The following TBL1XR1 variants were observed in gnomAD, a reference collection of about 807,000 sequenced individuals.
TBL1XR1 encodes the protein TBL1X/Y related 1.
Under a neutral mutation model 66.9 loss-of-function variants are expected in TBL1XR1, and 5 were observed. That is an observed-to-expected ratio of 0.07 (90% CI 0.04 to 0.16). The LOEUF (loss-of-function observed/expected upper bound fraction) is 0.16. Ranked by LOEUF, TBL1XR1 falls within the 10% of genes least tolerant of loss-of-function variation. The pLI, the probability that TBL1XR1 is intolerant of heterozygous loss-of-function variation, is 1.00. For synonymous variants in TBL1XR1, 210 were observed against 206.0 expected (o/e 1.02, Z -0.17); for missense variants, 238 against 623.2 (o/e 0.38, Z 6.58).
At chr3:177,112,745 C>G (rs1457353483) in intron 1 of TBL1XR1, among the ~76,000 whole-genome samples, 1 of 152,124 alleles carries the variant, frequency 6.6e-6, no homozygotes, top group African/African-American at 2.4e-5. Context: ...TGGCTCACAC[C>G]TGTAATCCCA....
chr3:177,149,537 T>G (rs989573426), intron 1 of TBL1XR1, among the ~76,000 whole-genome samples: 1 of 152,232 alleles, frequency 6.6e-6, no homozygotes, highest in Non-Finnish European at 1.5e-5. Flanking sequence ...TTTTAACTAA[T>G]TTTGTATTAT....
At chr3:177,131,173 A>T (rs1230927404) in intron 1 of TBL1XR1, among the ~76,000 whole-genome samples, 1 of 152,200 alleles carries the variant, frequency 6.6e-6, no homozygotes, top group Non-Finnish European at 1.5e-5. Flanking sequence ...TTCTTCAGCA[A>T]ATCGGGAATC....
At position 177,167,146 on chromosome 3, in the gene TBL1XR1, GGATT is replaced by G. The variant is rs1471959679; in HGVS notation, c.-122+29971_-122+29974del. ...GATAAACTTGGTACATGCAGACAAT[GGATT>G]ATTATTCTACACTAAAAAGAAATGA... is the stretch of plus-strand genomic sequence containing the variant. On this transcript the variant is annotated intron_variant, in intron 1 of 15. Coordinates refer to ENST00000457928, the MANE Select transcript of TBL1XR1 (RefSeq NM_024665.7). Among the ~76,000 whole-genome samples the G allele has an allele frequency of 1.2e-4, 19 of 152,208 alleles. No individual in the cohort carries two copies. In the East Asian group the frequency reaches 3.1e-3, roughly 25 times the overall value.
intron 2 of TBL1XR1, among the ~76,000 whole-genome samples, chr3:177,092,015 T>A (rs1167220469): frequency 6.6e-6 from 1 of 152,212 alleles, no homozygotes; most frequent in Non-Finnish European, 1.5e-5. Flanking sequence ...GGGTGCTTCC[T>A]TATGCAAGCA....
At chr3:177,084,554 C>G (rs1721891710) in intron 2 of TBL1XR1, among the ~76,000 whole-genome samples, 1 of 152,204 alleles carries the variant, frequency 6.6e-6, no homozygotes, top group South Asian at 2.1e-4. Flanking sequence ...AATCCTTTTT[C>G]TTGGTTTATA....
intron 1 of TBL1XR1, among the ~76,000 whole-genome samples, chr3:177,168,343 G>A (rs1375479931): frequency 6.6e-6 from 1 of 150,974 alleles, no homozygotes; most frequent in Non-Finnish European, 1.5e-5. Context: ...GTGCAGTGGT[G>A]CAATCTCGGC....
intron 5 of TBL1XR1, 26 bp downstream of exon 5, chr3:177,051,478 A>T (rs776183181): frequency 2.7e-6 from 4 of 1,508,306 alleles, no homozygotes; most frequent in Non-Finnish European, 8.9e-7. Flanking sequence ...CCATGTAATT[A>T]AAAAAAAATT....
At chr3:177,127,081 G>A (rs554722153) in intron 1 of TBL1XR1, among the ~76,000 whole-genome samples, 2 of 152,254 alleles carry the variant, frequency 1.3e-5, no homozygotes, top group South Asian at 2.1e-4. Flanking sequence ...ATCTGCCACA[G>A]ATTATAATCA....
rs1712812109 is a variant in TBL1XR1 at position 177,024,535 on chromosome 3, A to G, written c.*963T>C. The G allele has an allele frequency of 6.6e-6, 1 of 152,322 alleles. No individual in the cohort carries two copies. The highest frequency in any genetic ancestry group is 1.5e-5 in the Non-Finnish European group (1 of 67,964). The allele number at this position is 152,322 out of a possible 1,614,324, so 9.4% of individuals were successfully genotyped here. On this transcript the variant is annotated 3_prime_UTR_variant, in exon 16 of 16. Coordinates refer to ENST00000457928, the MANE Select transcript of TBL1XR1 (RefSeq NM_024665.7). ...CAAAACTACGTTGCTCCTTTTCACA[A>G]TAGTGCACATTTTTACCATAATTTA...
At chr3:177,076,933 A>G (rs768987691) in intron 2 of TBL1XR1, among the ~76,000 whole-genome samples, 38 of 152,200 alleles carry the variant, frequency 2.5e-4, no homozygotes, top group Non-Finnish European at 4.9e-4. Context: ...TGTGATACAC[A>G]CTATATCCAA....
chr3:177,090,586 G>A (rs1436922691), intron 2 of TBL1XR1, among the ~76,000 whole-genome samples: 1 of 151,856 alleles, frequency 6.6e-6, no homozygotes, highest in Non-Finnish European at 1.5e-5. Context: ...ACTTTGGGAG[G>A]CTGAGGCAGG....
intron 2 of TBL1XR1, among the ~76,000 whole-genome samples, chr3:177,095,358 AT>A (rs1406228187): frequency 6.6e-6 from 1 of 152,178 alleles, no homozygotes; most frequent in Admixed American, 6.5e-5. Flanking sequence ...AAAATAATAA[AT>A]AAAAAGTCAA....
chr3:177,194,907 T>C (rs924365734), intron 1 of TBL1XR1, among the ~76,000 whole-genome samples: 2 of 152,170 alleles, frequency 1.3e-5, no homozygotes, highest in African/African-American at 4.8e-5. Flanking sequence ...GTCACTCCAT[T>C]TACCACCAGT....
intron 4 of TBL1XR1, 36 bp downstream of exon 4, chr3:177,053,737 T>C: frequency 6.3e-7 from 1 of 1,586,626 alleles, no homozygotes; most frequent in African/African-American, 1.3e-5. Context: ...ATATTTAAGA[T>C]GAAAAAAATC....
intron 3 of TBL1XR1, among the ~76,000 whole-genome samples, chr3:177,059,610 T>C (rs982153704): frequency 4.0e-5 from 6 of 151,630 alleles, no homozygotes; most frequent in African/African-American, 1.5e-4. Context: ...GGGGAAAAAA[T>C]GGAGGGAGGG....
At chr3:177,040,676 GA>G (rs1715463320) in intron 10 of TBL1XR1, among the ~76,000 whole-genome samples, 2 of 151,984 alleles carry the variant, frequency 1.3e-5, no homozygotes, top group Admixed American at 1.3e-4. Context: ...AGGAAAGAGT[GA>G]AATTGATTTC....
intron 1 of TBL1XR1, among the ~76,000 whole-genome samples, chr3:177,122,890 ATG>A (rs766591629): frequency 6.6e-6 from 1 of 152,162 alleles, no homozygotes; most frequent in African/African-American, 2.4e-5. Flanking sequence ...TTACAGTTGA[ATG>A]TGGAGGTACT....
Position 177,129,603 on chromosome 3 carries a change from G to C in TBL1XR1, c.-121-31062C>G, listed in dbSNP as rs528525569. On this transcript the variant is annotated intron_variant, in intron 1 of 15. Transcript: ENST00000457928. ...GAGGCTGGGGATAGAGTAATGACTG[G>C]TATAGTGGTTACACAGGTTTGTCCA... 2.6e-5 allele frequency among the ~76,000 whole-genome samples: 4 copies of C among 152,210 alleles called. No individual in the cohort carries two copies. In the South Asian group the frequency reaches 8.3e-4, roughly 32 times the overall value.
At chr3:177,051,835 T>C in intron 4 of TBL1XR1, 109 bp from the exon 5 acceptor site, 2 of 1,331,076 alleles carry the variant, frequency 1.5e-6, no homozygotes, top group South Asian at 1.7e-5. Flanking sequence ...TAAAAAAACA[T>C]TTTTAGGAAC....
Sources: allele counts gnomAD v4.1 joint callset (sites outside exome capture counted in the v4.1 genomes callset), GRCh38; gene constraint gnomAD v4.1.1; transcripts MANE v1.5; gene names NCBI Gene and HGNC (gene_info 2026-07-23, HGNC 2026-07-21).